ZFAND3: variants seen among roughly 807,000 people sequenced by gnomAD.
ZFAND3 encodes the protein zinc finger AN1-type containing 3.
A neutral mutation model predicts 29.6 loss-of-function variants in ZFAND3; 10 were observed. That is an observed-to-expected ratio of 0.34 (90% CI 0.21 to 0.57). The LOEUF (loss-of-function observed/expected upper bound fraction) is 0.57, where lower values mean the gene tolerates loss of function less well. ZFAND3 is among the 20% of genes least tolerant of loss of function. The pLI, the probability that ZFAND3 is intolerant of heterozygous loss-of-function variation, is 0.86. For missense variants in ZFAND3, 230 were observed against 304.5 expected (o/e 0.76, Z 1.82); for synonymous variants, 128 against 112.6 (o/e 1.14, Z -0.87).
intron 2 of ZFAND3, among the ~76,000 whole-genome samples, chr6:38,016,161 T>C (rs1763248986): frequency 6.6e-6 from 1 of 152,186 alleles, no homozygotes; most frequent in South Asian, 2.1e-4. Flanking sequence ...TTACAGCTTA[T>C]CCACTTGTTA....
In ZFAND3 at chr6:37,835,341, G is replaced by A. The variant is rs561286491; in HGVS notation, c.71+15325G>A. On this transcript the variant is annotated intron_variant, in intron 1 of 5. Transcript: ENST00000287218. Reference sequence around the variant, plus strand: ...ACTCAGCTAACTTAAATTTTTTGTAGAGACAGGGTTTCACCATGTTGCCCA... The same window carrying A: ...ACTCAGCTAACTTAAATTTTTTGTAAAGACAGGGTTTCACCATGTTGCCCA... Among the ~76,000 whole-genome samples the A allele has an allele frequency of 7.2e-5, 11 of 152,074 alleles. No homozygotes were observed. The South Asian group carries it at 8.3e-4, about 11-fold the overall frequency.
At chr6:38,020,230 T>C (rs1763323653) in intron 2 of ZFAND3, among the ~76,000 whole-genome samples, 1 of 152,336 alleles carries the variant, frequency 6.6e-6, no homozygotes, top group East Asian at 1.9e-4. Flanking sequence ...GTTACGAGAA[T>C]TGGAAGATAA....
chr6:37,853,412 GAAAAA>G (rs56738009), intron 1 of ZFAND3, among the ~76,000 whole-genome samples: 3 of 65,880 alleles, frequency 4.6e-5, no homozygotes, highest in South Asian at 5.8e-4. Context: ...TGAGCCTCAA[GAAAAA>G]AAAAAAAAAA....
At chr6:37,867,773 T>C (rs558224877) in intron 1 of ZFAND3, among the ~76,000 whole-genome samples, 3 of 152,334 alleles carry the variant, frequency 2.0e-5, no homozygotes, top group Non-Finnish European at 2.9e-5. Flanking sequence ...AAAGTATGCT[T>C]TGTAGGAGGG....
At chr6:37,877,078 G>A (rs1436936735) in intron 1 of ZFAND3, among the ~76,000 whole-genome samples, 1 of 152,122 alleles carries the variant, frequency 6.6e-6, no homozygotes, top group Non-Finnish European at 1.5e-5. Context: ...GGAGGGTTTT[G>A]TATAGGTCTT....
chr6:38,046,707 T>C (rs1763910922), intron 2 of ZFAND3, among the ~76,000 whole-genome samples: 1 of 152,216 alleles, frequency 6.6e-6, no homozygotes, highest in Non-Finnish European at 1.5e-5. Context: ...CATGTCGTGG[T>C]CCTATTAATT....
chr6:38,110,153 G>A (rs187228919), intron 4 of ZFAND3, among the ~76,000 whole-genome samples: 94 of 152,240 alleles, frequency 6.2e-4, no homozygotes, highest in African/African-American at 1.8e-3. Flanking sequence ...GAAGATGATG[G>A]CATTCTCCAC....
chr6:37,923,079 T>G (rs1761414770), intron 1 of ZFAND3, among the ~76,000 whole-genome samples: 2 of 152,320 alleles, frequency 1.3e-5, no homozygotes, highest in Non-Finnish European at 2.9e-5. Flanking sequence ...CATTGTATAG[T>G]TACACAGAAA....
intron 1 of ZFAND3, among the ~76,000 whole-genome samples, chr6:37,911,239 G>A (rs1026061374): frequency 6.6e-6 from 1 of 152,156 alleles, no homozygotes; most frequent in Non-Finnish European, 1.5e-5. Context: ...TCTAACAGGA[G>A]TGAGGTGATA....
At chr6:37,922,703 A>G (rs1449474706) in intron 1 of ZFAND3, among the ~76,000 whole-genome samples, 1 of 152,200 alleles carries the variant, frequency 6.6e-6, no homozygotes, top group Non-Finnish European at 1.5e-5. Flanking sequence ...ACATGTTACT[A>G]TATTGAATAC....
intron 2 of ZFAND3, among the ~76,000 whole-genome samples, chr6:37,985,017 G>A (rs1251655496): frequency 1.3e-5 from 2 of 152,190 alleles, no homozygotes; most frequent in African/African-American, 4.8e-5. Context: ...ATTGTTCAAT[G>A]ATATAAGACT....
chr6:37,870,292 CAAAAAAAAAAAAAA>C (rs1174577231), intron 1 of ZFAND3, among the ~76,000 whole-genome samples: 3 of 33,488 alleles, frequency 9.0e-5, no homozygotes, highest in Admixed American at 4.8e-4. Context: ...GAGACTGTCT[CAAAAAAAAAAAAAA>C]AAAAAAAAAA....
At chr6:37,989,868 A>G (rs1308246383) in intron 2 of ZFAND3, among the ~76,000 whole-genome samples, 1 of 152,206 alleles carries the variant, frequency 6.6e-6, no homozygotes, top group Admixed American at 6.5e-5. Context: ...AGGTTGTTGA[A>G]GTAATACTCT....
chr6:38,098,837 C>G (rs896784215), intron 4 of ZFAND3, among the ~76,000 whole-genome samples: 9 of 152,090 alleles, frequency 5.9e-5, no homozygotes, highest in Non-Finnish European at 2.9e-5. Context: ...CCTCACTTAA[C>G]ATTGTTAATT....
chr6:37,965,577 T>G (rs1395766762), intron 2 of ZFAND3, among the ~76,000 whole-genome samples: 2 of 152,092 alleles, frequency 1.3e-5, no homozygotes, highest in Non-Finnish European at 2.9e-5. Context: ...ATTCTTTTTT[T>G]TTTTTCCTTT....
intron 1 of ZFAND3, among the ~76,000 whole-genome samples, chr6:37,820,305 G>A (rs1345985656): frequency 2.0e-5 from 3 of 152,180 alleles, no homozygotes; most frequent in East Asian, 1.9e-4. Context: ...GCAGGGCGGC[G>A]GGGAGGGATG....
intron 2 of ZFAND3, among the ~76,000 whole-genome samples, chr6:37,950,883 T>G (rs1165081995): frequency 6.6e-6 from 1 of 152,210 alleles, no homozygotes; most frequent in African/African-American, 2.4e-5. Context: ...ATTTTAGTAT[T>G]GTTTTCTTCT....
chr6:37,970,545 A>T (rs1296006140), intron 2 of ZFAND3, among the ~76,000 whole-genome samples: 1 of 152,166 alleles, frequency 6.6e-6, no homozygotes, highest in African/African-American at 2.4e-5. Context: ...CTTAGATTTC[A>T]GGACAAGAAA....
chr6:37,823,887 G>T (rs1482643587), intron 1 of ZFAND3, among the ~76,000 whole-genome samples: 2 of 152,044 alleles, frequency 1.3e-5, no homozygotes, highest in Non-Finnish European at 2.9e-5. Context: ...TGCCTCCTGG[G>T]TTCAAGTGAT....
Sources: allele counts gnomAD v4.1 joint callset (sites outside exome capture counted in the v4.1 genomes callset), GRCh38; gene constraint gnomAD v4.1.1; transcripts MANE v1.5; gene names NCBI Gene and HGNC (gene_info 2026-07-23, HGNC 2026-07-21).